KIF26B: variants seen among roughly 807,000 people sequenced by gnomAD.
KIF26B encodes kinesin family member 26B, also known as kinesin-like protein KIF26B.
Under a neutral mutation model 151.2 loss-of-function variants are expected in KIF26B, and 63 were observed. That is an observed-to-expected ratio of 0.42 (90% CI 0.34 to 0.51). The LOEUF is 0.51. Ranked by LOEUF, KIF26B falls within the 20% of genes least tolerant of loss-of-function variation. KIF26B has a pLI of 0.07. For synonymous variants in KIF26B, 1,357 were observed against 1,262.1 expected, an observed-to-expected ratio of 1.08 and a Z score of -1.59; for missense variants, 2,813 against 2,913.6, an observed-to-expected ratio of 0.97 and a Z score of 0.79.
Position 245,602,172 on chromosome 1 carries a change from G to A in KIF26B, c.1351-405G>A, listed in dbSNP as rs563929907. Among the ~76,000 whole-genome samples the A allele has an allele frequency of 6.6e-5, 10 of 152,232 alleles. No homozygotes were observed. Among genetic ancestry groups the A allele is most frequent in the South Asian group, 2.1e-4 (1 of 4,818 alleles). On this transcript the variant is annotated intron_variant, in intron 5 of 14. Transcript: ENST00000407071. The surrounding 1 kb of genome is among the most constrained non-coding windows in gnomAD (Gnocchi z 4.5). ...TGAGCTGAGCCAAGGAGTAAATTAC[G>A]GAGCTAACTTTTATGTGCATGGTTT...
chr1:245,210,748 T>C (rs147262978), intron 2 of KIF26B, among the ~76,000 whole-genome samples: 68 of 151,978 alleles, frequency 4.5e-4, no homozygotes, highest in African/African-American at 1.5e-3. Flanking sequence ...TGTGGGGAGA[T>C]CAGCCAGTTC....
intron 2 of KIF26B, among the ~76,000 whole-genome samples, chr1:245,364,571 C>T (rs1350141278): frequency 6.6e-6 from 1 of 151,986 alleles, no homozygotes; most frequent in East Asian, 1.9e-4. Flanking sequence ...CAGGCGCCCG[C>T]CACCACGCCC....
chr1:245,458,728 A>G (rs1463166503), intron 4 of KIF26B, among the ~76,000 whole-genome samples: 4 of 152,208 alleles, frequency 2.6e-5, no homozygotes, highest in Non-Finnish European at 5.9e-5. Flanking sequence ...AATTTCCTGC[A>G]TCTGTTGGTA....
intron 9 of KIF26B, among the ~76,000 whole-genome samples, chr1:245,636,557 A>G (rs1216614434): frequency 6.6e-6 from 1 of 151,664 alleles, no homozygotes; most frequent in Non-Finnish European, 1.5e-5. Context: ...ATTATTAACT[A>G]TAGTTCTTCT....
chr1:245,180,228 A>C (rs1668880837), intron 2 of KIF26B, among the ~76,000 whole-genome samples: 1 of 152,174 alleles, frequency 6.6e-6, no homozygotes, highest in Admixed American at 6.5e-5. Flanking sequence ...CATTTCTAAG[A>C]GTAGGAGAGA....
At chr1:245,576,298 ATTG>A (rs1459507815) in intron 5 of KIF26B, among the ~76,000 whole-genome samples, 2 of 152,136 alleles carry the variant, frequency 1.3e-5, no homozygotes, top group African/African-American at 4.8e-5. Context: ...GTGAAGTGTC[ATTG>A]TTGGTGGTTT....
intron 2 of KIF26B, among the ~76,000 whole-genome samples, chr1:245,213,900 C>T (rs985529586): frequency 1.3e-5 from 2 of 152,274 alleles, no homozygotes; most frequent in African/African-American, 4.8e-5. Flanking sequence ...TCTAAAGTTG[C>T]CACACAGTAA....
rs374285314 is a variant in KIF26B, at chr1:245,688,698, C to T, written c.5715C>T (p.Ser1905=). The change falls in exon 12 of 15, where the codon AGC becomes AGT. Residue 1905 remains serine (S), a synonymous_variant. Transcript: ENST00000407071. ...SSGYESVMRD[S]EATGSASSAQ... is the part of the protein sequence containing the mutation. The stretch of plus-strand genomic sequence containing the variant: ...GCTACGAGAGCGTGATGCGGGACAG[C>T]GAGGCCACCGGCAGCGCGTCCTCGG... 111 of 1,606,494 alleles carry T rather than the reference C, an allele frequency of 6.9e-5. No individual in the cohort carries two copies. The African/African-American group carries it at 1.1e-3, about 16-fold the overall frequency.
chr1:245,622,145 C>A (rs542068690), intron 9 of KIF26B, among the ~76,000 whole-genome samples: 42 of 152,334 alleles, frequency 2.8e-4, no homozygotes, highest in African/African-American at 9.9e-4. Flanking sequence ...ATTTCCATAG[C>A]ACGCTGCTGT....
intron 3 of KIF26B, among the ~76,000 whole-genome samples, chr1:245,411,744 T>G (rs1447393500): frequency 1.3e-5 from 2 of 152,174 alleles, no homozygotes; most frequent in Non-Finnish European, 2.9e-5. Flanking sequence ...TGACTTGATG[T>G]GGGGATTGAG....
intron 4 of KIF26B, among the ~76,000 whole-genome samples, chr1:245,458,084 G>C (rs1189889045): frequency 6.6e-6 from 1 of 152,202 alleles, no homozygotes; most frequent in East Asian, 1.9e-4. Flanking sequence ...ACTGTCCTAA[G>C]GGTTTTATAT....
chr1:245,372,718 C>T (rs1673156829), intron 3 of KIF26B, among the ~76,000 whole-genome samples: 1 of 152,188 alleles, frequency 6.6e-6, no homozygotes, highest in Admixed American at 6.5e-5. Flanking sequence ...TAGTCAATAA[C>T]TGCAGGAAAG....
chr1:245,524,016 C>G (rs936463858), intron 4 of KIF26B, among the ~76,000 whole-genome samples: 1 of 152,162 alleles, frequency 6.6e-6, no homozygotes, highest in African/African-American at 2.4e-5. Flanking sequence ...TGATTTAACA[C>G]AACTCATTAA....
chr1:245,224,285 C>CAA (rs202239795), intron 2 of KIF26B, among the ~76,000 whole-genome samples: 143 of 99,672 alleles, frequency 1.4e-3, no homozygotes, highest in South Asian at 4.1e-3. Flanking sequence ...AACTCCGTCT[C>CAA]AAAGAAAAAA....
At chr1:245,285,076 T>A (rs1176392438) in intron 2 of KIF26B, among the ~76,000 whole-genome samples, 2 of 152,118 alleles carry the variant, frequency 1.3e-5, no homozygotes, top group African/African-American at 4.8e-5. Context: ...AACAATAATT[T>A]ATTTTTGCTC....
intron 4 of KIF26B, among the ~76,000 whole-genome samples, chr1:245,444,732 A>G (rs1249656738): frequency 6.6e-6 from 1 of 152,154 alleles, no homozygotes; most frequent in Non-Finnish European, 1.5e-5. Flanking sequence ...AGTTTTTCCT[A>G]CATAAACTTC....
intron 2 of KIF26B, among the ~76,000 whole-genome samples, chr1:245,340,256 G>A (rs73130887): frequency 0.025 from 3,869 of 152,004 alleles, 154 homozygotes; most frequent in African/African-American, 0.086. Context: ...TACGTCCTCC[G>A]GTATATCTGA....
At chr1:245,552,790 G>A (rs554597315) in intron 5 of KIF26B, among the ~76,000 whole-genome samples, 1 of 152,190 alleles carries the variant, frequency 6.6e-6, no homozygotes, top group South Asian at 2.1e-4. Context: ...TATGGAGATG[G>A]GGTTTTACCA....
In KIF26B at chr1:245,660,050, GA is replaced by G. The variant is rs201383557; in HGVS notation, c.2258+13779del. Among the ~76,000 whole-genome samples the G allele has an allele frequency of 9.5e-3, 1,439 of 150,716 alleles. 76 individuals carry two copies. Among genetic ancestry groups the G allele is most frequent in the Admixed American group, 0.08 (1,206 of 15,132 alleles). The stretch of plus-strand genomic sequence containing the variant: ...GGCAACAGGGCGAGACTCCATCTCA[GA>G]AAAAAAAAGTTCCAGCAAGTCAGCT... On this transcript the variant is annotated intron_variant, in intron 10 of 14. Coordinates refer to ENST00000407071, the MANE Select transcript of KIF26B (RefSeq NM_018012.4).
Sources: allele counts gnomAD v4.1 joint callset (sites outside exome capture counted in the v4.1 genomes callset), GRCh38; gene constraint gnomAD v4.1.1; non-coding constraint Gnocchi (gnomAD v3.1); transcripts MANE v1.5; gene names NCBI Gene and HGNC (gene_info 2026-07-23, HGNC 2026-07-21).